The following BPIFC variants were observed in gnomAD, a reference collection of about 807,000 sequenced individuals.
BPIFC encodes the protein BPI fold-containing family C protein.
A neutral mutation model predicts 57.6 loss-of-function variants in BPIFC; 60 were observed. The observed-to-expected ratio is 1.04, with a 90% CI of 0.85 to 1.29. BPIFC has a LOEUF of 1.29. BPIFC is among the 50% of genes most tolerant of loss of function. The pLI is 0.00. For missense variants in BPIFC, 581 were observed against 600.5 expected, an observed-to-expected ratio of 0.97 and a Z score of 0.34; for synonymous variants, 243 against 224.5, an observed-to-expected ratio of 1.08 and a Z score of -0.74.
chr22:32,431,884 T>G (rs1438093219), intron 12 of BPIFC, among the ~76,000 whole-genome samples: 1 of 151,728 alleles, frequency 6.6e-6, no homozygotes, highest in South Asian at 2.1e-4. Context: ...GATTTTACAA[T>G]GTATGAGAGT....
At chr22:32,451,859 C>T (rs1934904366) in intron 4 of BPIFC, among the ~76,000 whole-genome samples, 1 of 152,106 alleles carries the variant, frequency 6.6e-6, no homozygotes, top group Non-Finnish European at 1.5e-5. Context: ...CCATCTCTCC[C>T]ACTGGACTTT....
intron 13 of BPIFC, among the ~76,000 whole-genome samples, chr22:32,430,279 G>A (rs1569449623): frequency 6.6e-6 from 1 of 152,168 alleles, no homozygotes; most frequent in African/African-American, 2.4e-5. Flanking sequence ...GCTCAAGGAG[G>A]TTAACAGACT....
intron 13 of BPIFC, among the ~76,000 whole-genome samples, chr22:32,429,440 T>C (rs1460927679): frequency 6.6e-6 from 1 of 150,470 alleles, no homozygotes; most frequent in Non-Finnish European, 1.5e-5. Flanking sequence ...TCTCCTGACC[T>C]CATGATCCGC....
chr22:32,440,568 C>T (rs1420431967), intron 8 of BPIFC, among the ~76,000 whole-genome samples: 1 of 152,154 alleles, frequency 6.6e-6, no homozygotes, highest in Non-Finnish European at 1.5e-5. Flanking sequence ...AATTATAATA[C>T]AACACAGCAA....
At chr22:32,422,420 T>C (rs1382208717) in intron 13 of BPIFC, among the ~76,000 whole-genome samples, 1 of 151,912 alleles carries the variant, frequency 6.6e-6, no homozygotes, top group African/African-American at 2.4e-5. Flanking sequence ...CTAAAAAGGG[T>C]GTGAAGCTGG....
At position 32,447,215 on chromosome 22, in the gene BPIFC, A is replaced by G; in HGVS notation, c.371T>C (p.Leu124Pro). The G allele has an allele frequency of 3.1e-6, 5 of 1,597,786 alleles. No homozygotes were observed. The South Asian group carries it at 5.7e-5, about 18-fold the overall frequency. Residue 124 changes from leucine to proline, a missense_variant, in exon 5 of 17, where the codon CTT becomes CCT. Transcript: ENST00000300399. Reference protein sequence around the residue: ...ISTDWGFESPLFQDTGGADLF... With the variant: ...ISTDWGFESPPFQDTGGADLF... ...GACATTTCAGTGGAATACTCACAAAAGTGGAGACTCGAACCCCCAGTCTGT... is the reference window on the plus strand; with the variant it reads ...GACATTTCAGTGGAATACTCACAAAGGTGGAGACTCGAACCCCCAGTCTGT...
At chr22:32,451,734 A>T (rs1224565650) in intron 4 of BPIFC, among the ~76,000 whole-genome samples, 1 of 152,012 alleles carries the variant, frequency 6.6e-6, no homozygotes, top group African/African-American at 2.4e-5. Flanking sequence ...AAAAGAAAAT[A>T]CCTGTTTCTC....
chr22:32,421,131 C>G (rs896757656), intron 13 of BPIFC, among the ~76,000 whole-genome samples: 2 of 152,174 alleles, frequency 1.3e-5, no homozygotes, highest in Non-Finnish European at 2.9e-5. Context: ...ACAGCGTGTC[C>G]TGTTGCTTGA....
intron 8 of BPIFC, among the ~76,000 whole-genome samples, chr22:32,438,428 A>C (rs1047807200): frequency 2.6e-5 from 4 of 152,094 alleles, no homozygotes; most frequent in African/African-American, 9.7e-5. Flanking sequence ...GTCTCACTCT[A>C]TCACCCTGAC....
In BPIFC at chr22:32,435,294, A is replaced by G. The variant is rs116799098; in HGVS notation, c.924+410T>C. On this transcript the variant is annotated intron_variant, in intron 10 of 16. Coordinates refer to ENST00000300399, the MANE Select transcript of BPIFC (RefSeq NM_174932.3). Reference sequence around the variant, plus strand: ...GAACTGGAAACTTGACAACTCCCCAACTAATACAGGTTGAACATTCCTAAT... The same window carrying G: ...GAACTGGAAACTTGACAACTCCCCAGCTAATACAGGTTGAACATTCCTAAT... Among the ~76,000 whole-genome samples the G allele has an allele frequency of 8.5e-3, 1,289 of 152,312 alleles. 14 individuals are homozygous for G. Among genetic ancestry groups the G allele is most frequent in the African/African-American group, 0.028 (1,183 of 41,566 alleles).
chr22:32,444,519 C>T (rs1934659200), intron 7 of BPIFC, among the ~76,000 whole-genome samples: 1 of 152,146 alleles, frequency 6.6e-6, no homozygotes, highest in South Asian at 2.1e-4. Context: ...CATCCCTGTC[C>T]TTATCTCCCC....
At chr22:32,447,848 A>G (rs2145954115) in intron 4 of BPIFC, among the ~76,000 whole-genome samples, 1 of 152,118 alleles carries the variant, frequency 6.6e-6, no homozygotes, top group African/African-American at 2.4e-5. Flanking sequence ...GCCTCCAGCA[A>G]GCCTCCTGTT....
At position 32,435,685 on chromosome 22, in the gene BPIFC, C is replaced by A; in HGVS notation, c.924+19G>T. ...CTGAATGATGGTGACCATTGACATC[C>A]TCAGTTAACTCTCCTCACCTCTTCG... On this transcript the variant is annotated intron_variant, in intron 10 of 16. Coordinates refer to ENST00000300399, the MANE Select transcript of BPIFC (RefSeq NM_174932.3). The A allele has an allele frequency of 6.2e-7, 1 of 1,603,490 alleles. No individual in the cohort carries two copies.
At chr22:32,459,257 G>A (rs1935108459) in intron 2 of BPIFC, among the ~76,000 whole-genome samples, 1 of 152,160 alleles carries the variant, frequency 6.6e-6, no homozygotes, top group South Asian at 2.1e-4. Flanking sequence ...AGCCAGGTGT[G>A]GTGGCTCATA....
In BPIFC at chr22:32,453,384, T is replaced by G. The variant is rs1383180313; in HGVS notation, c.244A>C (p.Asn82His). The G allele has an allele frequency of 1.3e-6, 2 of 1,580,680 alleles. No individual in the cohort carries two copies. Among genetic ancestry groups the G allele is most frequent in the African/African-American group, 2.7e-5 (2 of 72,796 alleles). ...CAAAATGCTCTTCTTTTTACTTACTTTGAAAAATTGTAGTTTACATAATCA... is the reference window on the plus strand; with the variant it reads ...CAAAATGCTCTTCTTTTTACTTACTGTGAAAAATTGTAGTTTACATAATCA... ...KVDYVNYNFS[N>H]IKISAFSFPN... The change falls in exon 4 of 17, where the codon AAT becomes CAT. Residue 82 changes from asparagine to histidine, a missense_variant and splice_region_variant. Physicochemically the swap from Asn to His is moderately conservative, Grantham distance 68. Coordinates refer to ENST00000300399, the MANE Select transcript of BPIFC (RefSeq NM_174932.3).
rs1163308558 is a variant in BPIFC at position 32,464,422 on chromosome 22, T to C, written c.-137A>G. The stretch of plus-strand genomic sequence containing the variant: ...GCTGGAGAGCACCTTCGATTCTCTC[T>C]GCCTTTGAAGCTGATGTGTTCTCCA... On this transcript the variant is annotated 5_prime_UTR_variant, in exon 1 of 17. Coordinates refer to ENST00000300399, the MANE Select transcript of BPIFC (RefSeq NM_174932.3). 23 of 985,266 alleles carry C rather than the reference T, an allele frequency of 2.3e-5. No individual in the cohort carries two copies. The highest frequency in any genetic ancestry group is 2.8e-5 in the Non-Finnish European group (23 of 829,926). 61.0% of individuals were successfully genotyped at this position (985,266 alleles called of 1,614,324 possible). A position where few individuals can be genotyped will look rare whatever the true frequency, so the allele number is the denominator to read the frequency against.
chr22:32,422,004 G>A (rs907717365), intron 13 of BPIFC, among the ~76,000 whole-genome samples: 1 of 152,200 alleles, frequency 6.6e-6, no homozygotes, highest in African/African-American at 2.4e-5. Context: ...GGCAGGGGTT[G>A]CAAAAGCCCC....
At chr22:32,443,507 A>T (rs78905603) in intron 7 of BPIFC, among the ~76,000 whole-genome samples, 10,256 of 152,282 alleles carry the variant, frequency 0.067, 377 homozygotes, top group Middle Eastern at 0.082. Context: ...GTTGGAGAGC[A>T]CATTATATCA....
At chr22:32,437,261 C>T (rs1006424487) in intron 9 of BPIFC, among the ~76,000 whole-genome samples, 6 of 152,170 alleles carry the variant, frequency 3.9e-5, no homozygotes, top group South Asian at 4.1e-4. Flanking sequence ...ATCAATAAAA[C>T]GTTCAAGAGT....
Sources: gnomAD v4.1 joint callset for allele counts (sites outside exome capture counted in the v4.1 genomes callset) on GRCh38, gnomAD v4.1.1 for gene constraint, MANE v1.5 for transcripts, NCBI Gene and HGNC (gene_info 2026-07-23, HGNC 2026-07-21) for gene names.